SEL1L: variants seen among roughly 807,000 people sequenced by gnomAD.
SEL1L encodes SEL1L adaptor subunit of SYVN1 ubiquitin ligase, also known as protein sel-1 homolog 1.
Under a neutral mutation model 109.8 loss-of-function variants are expected in SEL1L, and 52 were observed. The ratio of observed to expected loss-of-function variants is 0.47; its 90% CI spans 0.38 to 0.60. The LOEUF (loss-of-function observed/expected upper bound fraction) is 0.60. Among genes scored for constraint, SEL1L ranks in the 20% least tolerant of loss-of-function variants. The pLI, the probability that SEL1L is intolerant of heterozygous loss-of-function variation, is 0.00. For synonymous variants in SEL1L, 373 were observed against 339.6 expected (o/e 1.10, Z -1.08); for missense variants, 749 against 962.2 (o/e 0.78, Z 2.93).
intron 3 of SEL1L, among the ~76,000 whole-genome samples, chr14:81,521,794 T>G (rs1884916348): frequency 6.7e-6 from 1 of 149,706 alleles, no homozygotes; most frequent in Admixed American, 6.7e-5. Context: ...TCCTACTTAT[T>G]AAAAAAAAAA....
At chr14:81,480,424 C>T (rs1019349122) in intron 19 of SEL1L, among the ~76,000 whole-genome samples, 1 of 152,142 alleles carries the variant, frequency 6.6e-6, no homozygotes, top group Non-Finnish European at 1.5e-5. Flanking sequence ...CTCCTGACCT[C>T]GTAATCCGCC....
chr14:81,513,577 G>A (rs1044260043), intron 3 of SEL1L, among the ~76,000 whole-genome samples: 8 of 152,156 alleles, frequency 5.3e-5, no homozygotes, highest in Non-Finnish European at 1.0e-4. Flanking sequence ...TGGCACCCAC[G>A]AAGGGACAAT....
At chr14:81,510,326 T>C (rs747046252) in intron 3 of SEL1L, among the ~76,000 whole-genome samples, 8 of 152,056 alleles carry the variant, frequency 5.3e-5, no homozygotes, top group Admixed American at 2.0e-4. Flanking sequence ...AATTATGCTA[T>C]AAAGGGGAGT....
chr14:81,505,951 A>G (rs1884221348), intron 4 of SEL1L, 123 bp downstream of exon 4: 3 of 907,718 alleles, frequency 3.3e-6, no homozygotes, highest in African/African-American at 3.4e-5. Context: ...TAAGGCTGTA[A>G]TGACATCAGC....
chr14:81,508,500 ACTTTGGGAGG>A (rs1415091952), intron 3 of SEL1L, among the ~76,000 whole-genome samples: 1 of 151,970 alleles, frequency 6.6e-6, no homozygotes, highest in African/African-American at 2.4e-5. Context: ...AATTCCCAGC[ACTTTGGGAGG>A]CTGAGGTGGG....
At chr14:81,529,816 T>C (rs1473621362) in intron 1 of SEL1L, among the ~76,000 whole-genome samples, 2 of 152,194 alleles carry the variant, frequency 1.3e-5, no homozygotes, top group Admixed American at 1.3e-4. Flanking sequence ...ACAACACTTT[T>C]TAAAGAGTTG....
In SEL1L at chr14:81,506,230, T is replaced by C. The variant is rs537367841; in HGVS notation, c.352A>G (p.Ile118Val). The C allele has an allele frequency of 7.5e-6, 12 of 1,599,146 alleles. No homozygotes were observed. The highest frequency in any genetic ancestry group is 1.4e-5 in the African/African-American group (1 of 74,052). The change falls in exon 4 of 21, where the codon ATT becomes GTT. Residue 118 changes from isoleucine to valine, a missense_variant. Transcript: ENST00000336735. ...GGCTCCCCATGTGCTGTGCCTTCAA[T>C]GGCGGTCAAAGCTGGAATGACAAGA... The part of the protein sequence containing the change: ...KKVRKPALTA[I>V]EGTAHGEPCH...
chr14:81,478,626 G>A (rs1903247881), intron 20 of SEL1L, among the ~76,000 whole-genome samples: 1 of 152,198 alleles, frequency 6.6e-6, no homozygotes, highest in Admixed American at 6.5e-5. Flanking sequence ...CAGCACACCT[G>A]ACTCATGCTA....
chr14:81,506,950 T>C (rs948839727), intron 3 of SEL1L, among the ~76,000 whole-genome samples: 1 of 152,330 alleles, frequency 6.6e-6, no homozygotes, highest in African/African-American at 2.4e-5. Flanking sequence ...GTGTGATGGA[T>C]GCTATGGAAA....
At chr14:81,511,543 A>G (rs548644134) in intron 3 of SEL1L, among the ~76,000 whole-genome samples, 79 of 152,366 alleles carry the variant, frequency 5.2e-4, no homozygotes, top group African/African-American at 1.3e-3. Context: ...TCCTTGCACA[A>G]ATAATTTGCT....
chr14:81,508,557 G>T (rs1884334597), intron 3 of SEL1L, among the ~76,000 whole-genome samples: 1 of 152,028 alleles, frequency 6.6e-6, no homozygotes, highest in African/African-American at 2.4e-5. Context: ...GACCAGCCTG[G>T]GCAACATGGT....
At chr14:81,516,703 T>C (rs1239235254) in intron 3 of SEL1L, among the ~76,000 whole-genome samples, 2 of 152,128 alleles carry the variant, frequency 1.3e-5, no homozygotes, top group Non-Finnish European at 2.9e-5. Flanking sequence ...TAGCAGAGGG[T>C]GATTACAAAC....
chr14:81,492,694 T>C (rs2140001753), intron 11 of SEL1L, 146 bp from the exon 12 acceptor site: 1 of 576,166 alleles, frequency 1.7e-6, no homozygotes, highest in African/African-American at 1.9e-5. Flanking sequence ...GCCAATATTT[T>C]GAAAGAGAAA....
chr14:81,490,526 C>G, intron 12 of SEL1L, 61 bp from the exon 13 acceptor site: 1 of 1,228,752 alleles, frequency 8.1e-7, no homozygotes, highest in Non-Finnish European at 1.2e-6. Context: ...ACATTTTTCT[C>G]CTTTCTCATC....
At chr14:81,490,288 A>G in intron 13 of SEL1L, 100 bp downstream of exon 13, 2 of 826,730 alleles carry the variant, frequency 2.4e-6, no homozygotes, top group Non-Finnish European at 3.9e-6. Context: ...AATAATGTAT[A>G]GCATGAGTTG....
chr14:81,494,357 C>T (rs1883660664), intron 11 of SEL1L, among the ~76,000 whole-genome samples: 1 of 152,222 alleles, frequency 6.6e-6, no homozygotes, highest in African/African-American at 2.4e-5. Context: ...CTCACCTGAA[C>T]TTCTCGAATA....
At chr14:81,504,795 T>C (rs1369208533) in intron 4 of SEL1L, among the ~76,000 whole-genome samples, 1 of 152,070 alleles carries the variant, frequency 6.6e-6, no homozygotes, top group African/African-American at 2.4e-5. Context: ...GTTCTTGTGA[T>C]AGTAAGTTCT....
chr14:81,492,365 C>G, intron 12 of SEL1L, 115 bp downstream of exon 12: 3 of 790,286 alleles, frequency 3.8e-6, no homozygotes, highest in Non-Finnish European at 6.4e-6. Context: ...TAGTCTTGCA[C>G]TAGAAATCTT....
In SEL1L at chr14:81,474,531, T is replaced by C. The variant is rs1427892701; in HGVS notation, c.*2441A>G. On this transcript the variant is annotated 3_prime_UTR_variant, in exon 21 of 21. Transcript: ENST00000336735. ...TAATGTCACTGACATTAACTAGCTT[T>C]AGTTATTGTCATTTTATTCAAATGG... 6.6e-6 allele frequency: 1 copy of C among 152,222 alleles called. No individual in the cohort carries two copies. Among genetic ancestry groups the C allele is most frequent in the Non-Finnish European group, 1.5e-5 (1 of 68,032 alleles). The allele number at this position is 152,222 out of a possible 1,614,324, so 9.4% of individuals were successfully genotyped here.
Sources: allele counts gnomAD v4.1 joint callset (sites outside exome capture counted in the v4.1 genomes callset), GRCh38; gene constraint gnomAD v4.1.1; transcripts MANE v1.5; gene names NCBI Gene and HGNC (gene_info 2026-07-23, HGNC 2026-07-21).